Variants in MSRB3 observed in about 807,000 individuals in gnomAD.
MSRB3 encodes the protein methionine-R-sulfoxide reductase B3.
MSRB3 carries 13 observed loss-of-function variants against 21.0 expected under a neutral mutation model. The ratio of observed to expected loss-of-function variants is 0.62; its 90% CI spans 0.40 to 0.98. The LOEUF is 0.98. Ranked by LOEUF, MSRB3 falls within the 50% of genes least tolerant of loss-of-function variation. The pLI is 0.00. For synonymous variants in MSRB3, 87 were observed against 88.6 expected (o/e 0.98, Z 0.10); for missense variants, 199 against 230.3 (o/e 0.86, Z 0.88).
At chr12:65,396,887 G>C (rs1218625977) in intron 5 of MSRB3, among the ~76,000 whole-genome samples, 4 of 152,068 alleles carry the variant, frequency 2.6e-5, no homozygotes, top group Non-Finnish European at 5.9e-5. Flanking sequence ...GTTGATTGAT[G>C]GTGTTGTTAA....
chr12:65,390,794 A>G (rs1054095536), intron 5 of MSRB3, among the ~76,000 whole-genome samples: 5 of 152,194 alleles, frequency 3.3e-5, no homozygotes, highest in African/African-American at 1.2e-4. Context: ...TTGGATTTTA[A>G]TGGTAGTTAT....
chr12:65,307,880 G>T (rs1398323234), intron 1 of MSRB3, among the ~76,000 whole-genome samples: 1 of 152,130 alleles, frequency 6.6e-6, no homozygotes, highest in Non-Finnish European at 1.5e-5. Context: ...TGAAAGTGAA[G>T]TCCCTTAATT....
Position 65,464,946 on chromosome 12 carries a change from T to G in MSRB3, c.*1624T>G, listed in dbSNP as rs1398697708. 1.3e-5 allele frequency: 2 copies of G among 152,254 alleles called. No homozygotes were observed. The highest frequency in any genetic ancestry group is 1.3e-4 in the Admixed American group (2 of 15,278). The allele number at this position is 152,254 out of a possible 1,614,324, so 9.4% of individuals were successfully genotyped here. A position where few individuals can be genotyped will look rare whatever the true frequency, so the allele number is the denominator to read the frequency against. On this transcript the variant is annotated 3_prime_UTR_variant, in exon 7 of 7. Coordinates refer to ENST00000308259, the MANE Select transcript of MSRB3 (RefSeq NM_001031679.3). ...TGCATAAACTGGGACTCATAATATT[T>G]GTAAAATGTATTGATACTCTCAGGG...
intron 5 of MSRB3, among the ~76,000 whole-genome samples, chr12:65,405,948 G>T (rs1880391568): frequency 6.6e-6 from 1 of 151,930 alleles, no homozygotes; most frequent in Admixed American, 6.6e-5. Context: ...TCTTATTTGA[G>T]TTTTTTATAT....
chr12:65,366,321 G>C (rs1878012317), intron 4 of MSRB3, among the ~76,000 whole-genome samples: 1 of 152,150 alleles, frequency 6.6e-6, no homozygotes, highest in Non-Finnish European at 1.5e-5. Flanking sequence ...GTACACACAT[G>C]CTAGTAGTAC....
At chr12:65,419,361 T>G (rs1323181938) in intron 5 of MSRB3, 2 of 756,062 alleles carry the variant, frequency 2.6e-6, no homozygotes, top group Non-Finnish European at 4.9e-6. Context: ...GGCCTTTTAC[T>G]TCCTCTTCAT....
intron 4 of MSRB3, among the ~76,000 whole-genome samples, chr12:65,348,712 T>C (rs1237045039): frequency 6.6e-6 from 1 of 152,192 alleles, no homozygotes; most frequent in South Asian, 2.1e-4. Context: ...CTGCTTTCTC[T>C]TGTGGGCATT....
chr12:65,463,065 C>A, intron 6 of MSRB3, 90 bp from the exon 7 acceptor site: 1 of 1,439,010 alleles, frequency 6.9e-7, no homozygotes, highest in Non-Finnish European at 9.8e-7. Context: ...TCTCTACAGG[C>A]TGGTCATCCA....
rs566026857 is a variant in MSRB3 at position 65,456,665 on chromosome 12, A to G, written c.390+2840A>G. On this transcript the variant is annotated intron_variant, in intron 6 of 6. Coordinates refer to ENST00000308259, the MANE Select transcript of MSRB3 (RefSeq NM_001031679.3). ...TCTTTTTCCACAGCCTTCACTTTTC[A>G]TATTTAGAAAGTGTTTGACTCTTTC... 1.0e-3 allele frequency among the ~76,000 whole-genome samples: 152 copies of G among 152,356 alleles called. 1 individual carries two copies. The highest frequency in any genetic ancestry group is 1.1e-3 in the Non-Finnish European group (77 of 68,034).
chr12:65,454,768 G>A (rs1256377351), intron 6 of MSRB3, among the ~76,000 whole-genome samples: 1 of 152,180 alleles, frequency 6.6e-6, no homozygotes, highest in African/African-American at 2.4e-5. Context: ...TGGCTCTAAG[G>A]AAGCAAATGA....
chr12:65,463,038 C>A, intron 6 of MSRB3, 117 bp from the exon 7 acceptor site: 1 of 1,257,728 alleles, frequency 8.0e-7, no homozygotes. Flanking sequence ...AAATCATCCA[C>A]GATGGTTTCC....
intron 2 of MSRB3, among the ~76,000 whole-genome samples, chr12:65,324,335 G>A (rs1250735511): frequency 1.3e-5 from 2 of 152,234 alleles, no homozygotes; most frequent in African/African-American, 4.8e-5. Flanking sequence ...AAATAAGACG[G>A]AGACTAACAA....
Position 65,307,738 on chromosome 12 carries a change from TA to T in MSRB3, c.-51-785del, listed in dbSNP as rs200356931. 2.3e-3 allele frequency among the ~76,000 whole-genome samples: 355 copies of T among 152,300 alleles called. 8 individuals carry two copies. The East Asian group carries it at 0.055, about 23-fold the overall frequency. ...CCACATAATTCATTTCCAAAGACAT[TA>T]AAAAACATTTTTACACTTTTTGAAT... On this transcript the variant is annotated intron_variant, in intron 1 of 6. Transcript: ENST00000308259.
chr12:65,356,730 A>G (rs1877405624), intron 4 of MSRB3, among the ~76,000 whole-genome samples: 1 of 151,942 alleles, frequency 6.6e-6, no homozygotes, highest in Non-Finnish European at 1.5e-5. Flanking sequence ...ACTTAAAAGT[A>G]TAGATTTCCA....
chr12:65,357,846 A>G (rs1877477340), intron 4 of MSRB3, among the ~76,000 whole-genome samples: 2 of 152,002 alleles, frequency 1.3e-5, no homozygotes, highest in Non-Finnish European at 2.9e-5. Flanking sequence ...TATTAAAGGT[A>G]TATGCGAACA....
At chr12:65,308,152 A>C (rs1353306206) in intron 1 of MSRB3, among the ~76,000 whole-genome samples, 3 of 152,080 alleles carry the variant, frequency 2.0e-5, no homozygotes, top group Non-Finnish European at 4.4e-5. Context: ...CATAAAACCT[A>C]CCTCCTTGGT....
chr12:65,313,333 G>A (rs1485562709), intron 2 of MSRB3, among the ~76,000 whole-genome samples: 1 of 152,128 alleles, frequency 6.6e-6, no homozygotes, highest in African/African-American at 2.4e-5. Flanking sequence ...TAATAGAACT[G>A]ATGTACTTAA....
chr12:65,282,579 A>G (rs1565812819), intron 1 of MSRB3, among the ~76,000 whole-genome samples: 1 of 152,178 alleles, frequency 6.6e-6, no homozygotes, highest in Non-Finnish European at 1.5e-5. Flanking sequence ...TGGAAGTCAA[A>G]TGCAGGCAGA....
At chr12:65,345,824 A>C (rs960523679) in intron 4 of MSRB3, among the ~76,000 whole-genome samples, 4 of 152,048 alleles carry the variant, frequency 2.6e-5, no homozygotes, top group African/African-American at 9.7e-5. Context: ...GAGTGAGAAC[A>C]TGTGGTGTTT....
Sources: gnomAD v4.1 joint callset for allele counts (sites outside exome capture counted in the v4.1 genomes callset) on GRCh38, gnomAD v4.1.1 for gene constraint, MANE v1.5 for transcripts, NCBI Gene and HGNC (gene_info 2026-07-23, HGNC 2026-07-21) for gene names.